The following ME1 variants were observed in gnomAD, a reference collection of about 807,000 sequenced individuals.
ME1 encodes the protein NADP-dependent malic enzyme.
ME1 carries 74 observed loss-of-function variants against 66.4 expected under a neutral mutation model. The ratio of observed to expected loss-of-function variants is 1.11; its 90% CI spans 0.92 to 1.35. ME1 has a LOEUF of 1.35. Ranked by LOEUF, ME1 falls within the 40% of genes most tolerant of loss-of-function variation. The pLI, the probability that ME1 is intolerant of heterozygous loss-of-function variation, is 0.00. For missense variants in ME1, 750 were observed against 694.1 expected (o/e 1.08, Z -0.90); for synonymous variants, 251 against 235.6 (o/e 1.07, Z -0.60).
intron 6 of ME1, among the ~76,000 whole-genome samples, chr6:83,265,479 T>C (rs1490456935): frequency 9.9e-5 from 15 of 152,004 alleles, no homozygotes; most frequent in Admixed American, 9.8e-4. Flanking sequence ...CTTTTAATGT[T>C]TTGTAGAGAC....
At chr6:83,404,466 T>C (rs770601482) in intron 2 of ME1, among the ~76,000 whole-genome samples, 4 of 152,204 alleles carry the variant, frequency 2.6e-5, no homozygotes, top group Non-Finnish European at 5.9e-5. Flanking sequence ...TTCACTCCGA[T>C]GATAGTTTCT....
chr6:83,276,062 G>A (rs934555087), intron 6 of ME1, among the ~76,000 whole-genome samples: 3 of 151,924 alleles, frequency 2.0e-5, no homozygotes, highest in African/African-American at 7.2e-5. Context: ...CAGCCACCGC[G>A]CCCCGGCCAA....
intron 12 of ME1, among the ~76,000 whole-genome samples, chr6:83,218,348 T>G (rs1486430595): frequency 1.3e-5 from 2 of 152,160 alleles, no homozygotes; most frequent in Non-Finnish European, 1.5e-5. Context: ...CTCTTCTTGG[T>G]GCATGCTACT....
chr6:83,348,467 A>G (rs1768729015), intron 4 of ME1, among the ~76,000 whole-genome samples: 1 of 152,086 alleles, frequency 6.6e-6, no homozygotes, highest in South Asian at 2.1e-4. Context: ...TTATAAGGAG[A>G]GTAATATTGT....
intron 5 of ME1, among the ~76,000 whole-genome samples, chr6:83,344,480 G>A (rs2128543562): frequency 6.6e-6 from 1 of 152,236 alleles, no homozygotes; most frequent in East Asian, 1.9e-4. Flanking sequence ...CTACTTGGGA[G>A]GCTGAGGTGG....
chr6:83,315,369 T>G lies in ME1; in HGVS notation c.645A>C (p.Arg215Ser). 6.2e-7 allele frequency: 1 copy of G among 1,612,560 alleles called. No individual in the cohort carries two copies. Among genetic ancestry groups the G allele is most frequent in the South Asian group, 1.1e-5 (1 of 90,758 alleles). Residue 215 changes from arginine (R) to serine (S), a missense_variant, in exon 6 of 14, where the codon AGA becomes AGC. Physicochemically the swap from Arg to Ser is moderately radical, Grantham distance 110 (BLOSUM62 -1). Coordinates refer to ENST00000369705, the MANE Select transcript of ME1 (RefSeq NM_002395.6). ...AATCATCATATTCAGAACCTCTTAC[T>G]CTTCTCTGCCGTAGTCCAATGTAGA... ...DPLYIGLRQR[R>S]VRGSEYDDFL...
chr6:83,213,576 A>C (rs1789939803), intron 13 of ME1, among the ~76,000 whole-genome samples: 1 of 152,136 alleles, frequency 6.6e-6, no homozygotes. Context: ...CATGTTGGCC[A>C]GTCTGGTCTC....
intron 1 of ME1, among the ~76,000 whole-genome samples, 164 bp from the exon 2 acceptor site, chr6:83,408,065 T>A (rs573058407): frequency 1.2e-3 from 190 of 152,310 alleles, no homozygotes; most frequent in African/African-American, 4.5e-3. Flanking sequence ...GCTCTCCATA[T>A]CTCAGTTTCC....
intron 12 of ME1, among the ~76,000 whole-genome samples, chr6:83,219,430 C>A (rs115284923): frequency 0.019 from 2,849 of 152,106 alleles, 82 homozygotes; most frequent in African/African-American, 0.065. Flanking sequence ...TGTATTTGGG[C>A]AAATTAATTA....
At chr6:83,375,335 G>A (rs1769269605) in intron 3 of ME1, among the ~76,000 whole-genome samples, 1 of 151,994 alleles carries the variant, frequency 6.6e-6, no homozygotes, top group African/African-American at 2.4e-5. Context: ...GTATTCCCGG[G>A]TATTTTATTC....
chr6:83,411,100 C>T (rs894403828), intron 1 of ME1, among the ~76,000 whole-genome samples: 4 of 152,194 alleles, frequency 2.6e-5, no homozygotes, highest in African/African-American at 9.7e-5. Flanking sequence ...TCCTATGGGC[C>T]GGGCGTGGTG....
chr6:83,397,253 T>C (rs1405074508), intron 3 of ME1, among the ~76,000 whole-genome samples: 2 of 152,280 alleles, frequency 1.3e-5, no homozygotes, highest in East Asian at 1.9e-4. Flanking sequence ...ATTCAAAATA[T>C]ATAAGGAACT....
At chr6:83,255,982 C>T (rs1263336691) in intron 6 of ME1, among the ~76,000 whole-genome samples, 1 of 152,092 alleles carries the variant, frequency 6.6e-6, no homozygotes, top group African/African-American at 2.4e-5. Context: ...GCTTTAATTC[C>T]TACAGCTTTA....
chr6:83,269,523 A>G (rs1442347265), intron 6 of ME1, among the ~76,000 whole-genome samples: 1 of 152,178 alleles, frequency 6.6e-6, no homozygotes, highest in Non-Finnish European at 1.5e-5. Flanking sequence ...ACAATGCATA[A>G]GTCAAAATAT....
At chr6:83,355,430 G>A (rs1027619313) in intron 3 of ME1, among the ~76,000 whole-genome samples, 3 of 152,070 alleles carry the variant, frequency 2.0e-5, no homozygotes, top group Non-Finnish European at 2.9e-5. Context: ...AAATAAGAGA[G>A]ACAATGAATT....
At chr6:83,270,416 A>AT (rs200629263) in intron 6 of ME1, among the ~76,000 whole-genome samples, 6 of 151,934 alleles carry the variant, frequency 3.9e-5, no homozygotes, top group Admixed American at 3.3e-4. Context: ...TAAAAAAAAA[A>AT]TTTGATATTT....
At chr6:83,236,214 A>G (rs1267622406) in intron 9 of ME1, among the ~76,000 whole-genome samples, 1 of 152,170 alleles carries the variant, frequency 6.6e-6, no homozygotes, top group Non-Finnish European at 1.5e-5. Context: ...GGTAAGTGTA[A>G]CATATCACTA....
chr6:83,243,278 AATATAT>A (rs1264560783), intron 7 of ME1, among the ~76,000 whole-genome samples: 1 of 144,594 alleles, frequency 6.9e-6, no homozygotes, highest in South Asian at 2.1e-4. Flanking sequence ...CTCAAAATTA[AATATAT>A]ATATTTAATT....
intron 6 of ME1, among the ~76,000 whole-genome samples, chr6:83,253,990 A>G (rs1379363793): frequency 3.3e-5 from 5 of 152,176 alleles, no homozygotes; most frequent in Admixed American, 3.3e-4. Flanking sequence ...TAAGGAATTT[A>G]ACTTTTAGTG....
Sources: allele counts gnomAD v4.1 joint callset (sites outside exome capture counted in the v4.1 genomes callset), GRCh38; gene constraint gnomAD v4.1.1; transcripts MANE v1.5; gene names NCBI Gene and HGNC (gene_info 2026-07-23, HGNC 2026-07-21).